Variants in CYP3A7 observed in about 807,000 individuals in gnomAD.
CYP3A7 encodes the protein cytochrome P450 3A7.
CYP3A7 carries 45 observed loss-of-function variants against 55.2 expected under a neutral mutation model. The observed-to-expected ratio is 0.82, with a 90% CI of 0.64 to 1.05. CYP3A7 has a LOEUF of 1.05. Among genes scored for constraint, CYP3A7 ranks in the 50% least tolerant of loss-of-function variants. The pLI, the probability that CYP3A7 is intolerant of heterozygous loss-of-function variation, is 0.00. For missense variants in CYP3A7, 548 were observed against 605.3 expected (o/e 0.91, Z 0.99); for synonymous variants, 180 against 207.4 (o/e 0.87, Z 1.13).
intron 2 of CYP3A7, among the ~76,000 whole-genome samples, chr7:99,726,635 C>T (rs1218737393): frequency 2.0e-5 from 3 of 152,210 alleles, no homozygotes; most frequent in Non-Finnish European, 4.4e-5. Flanking sequence ...TGCCACAAGG[C>T]TTCTGGGACA....
intron 1 of CYP3A7, among the ~76,000 whole-genome samples, chr7:99,731,634 G>A (rs1179071389): frequency 2.0e-5 from 3 of 152,150 alleles, no homozygotes; most frequent in African/African-American, 7.2e-5. Context: ...AGCCTATGGT[G>A]ACCCTGTCTT....
chr7:99,734,919 C>T, intron 1 of CYP3A7, 104 bp downstream of exon 1: 1 of 1,566,726 alleles, frequency 6.4e-7, no homozygotes, highest in Non-Finnish European at 8.8e-7. Flanking sequence ...CCACGGCCAG[C>T]CTGAACATCC....
At chr7:99,712,601 T>C (rs1429999634) in intron 9 of CYP3A7, among the ~76,000 whole-genome samples, 1 of 152,160 alleles carries the variant, frequency 6.6e-6, no homozygotes, top group South Asian at 2.1e-4. Context: ...GATAGAGAGA[T>C]GATAGCTAGA....
chr7:99,727,524 C>T (rs1194642783), intron 2 of CYP3A7, among the ~76,000 whole-genome samples: 2 of 152,186 alleles, frequency 1.3e-5, no homozygotes, highest in African/African-American at 4.8e-5. Context: ...TGATACCACA[C>T]CTTATCCCCA....
Position 99,705,549 on chromosome 7 carries a change from G to T in CYP3A7, c.1463C>A (p.Pro488His). Residue 488 changes from proline (P) to histidine (H), a missense_variant, in exon 13 of 13, where the codon CCC (proline) becomes CAC (histidine). Pro to His is a moderately conservative substitution (Grantham distance 77). Transcript: ENST00000336374. ...CCTTGACTCAGCCTTTAGAACAATGGGTTTTTCTGTTAGAAGAAGTCCTCC... is the reference window on the plus strand; with the variant it reads ...CCTTGACTCAGCCTTTAGAACAATGTGTTTTTCTGTTAGAAGAAGTCCTCC... ...RFGGLLLTEK[P>H]IVLKAESRDE... 1 of 1,613,534 alleles carries T rather than the reference G, an allele frequency of 6.2e-7. No homozygotes were observed.
rs1239889742 is a variant in CYP3A7 at position 99,708,380 on chromosome 7, T to C, written c.1254-406A>G. ...AGGAGAAGAAATTGTCTTGCACTACTTCAAAATTGTTATTTTGCACTTTCC... is the reference window on the plus strand; with the variant it reads ...AGGAGAAGAAATTGTCTTGCACTACCTCAAAATTGTTATTTTGCACTTTCC... On this transcript the variant is annotated intron_variant, in intron 11 of 12. Coordinates refer to ENST00000336374, the MANE Select transcript of CYP3A7 (RefSeq NM_000765.5). 2.6e-5 allele frequency among the ~76,000 whole-genome samples: 4 copies of C among 152,186 alleles called. No individual in the cohort carries two copies. In the East Asian group the frequency reaches 7.7e-4, roughly 29 times the overall value.
At chr7:99,729,095 T>C (rs999887261) in intron 2 of CYP3A7, among the ~76,000 whole-genome samples, 1 of 152,138 alleles carries the variant, frequency 6.6e-6, no homozygotes, top group Admixed American at 6.5e-5. Flanking sequence ...CAAATACTTA[T>C]TTTGGACCCA....
chr7:99,720,612 A>G, intron 3 of CYP3A7, 200 bp from the exon 4 acceptor site: 1 of 549,678 alleles, frequency 1.8e-6, no homozygotes, highest in Non-Finnish European at 3.2e-6. Flanking sequence ...CATACGATGA[A>G]GGGTAATGTG....
At position 99,722,295 on chromosome 7, in the gene CYP3A7, C is replaced by G. The variant is rs775378849; in HGVS notation, c.218+1G>C. On this transcript the variant is annotated splice_donor_variant, in intron 3 of 12. Coordinates refer to ENST00000336374, the MANE Select transcript of CYP3A7 (RefSeq NM_000765.5). LOFTEE classifies it high-confidence loss of function. The stretch of plus-strand genomic sequence containing the variant: ...CCAATGGAATCTTCCAGAATACTCA[C>G]CCCCAGACTTTTCTATACTTTTTAT... The G allele has an allele frequency of 6.2e-7, 1 of 1,613,622 alleles. No individual in the cohort carries two copies. The highest frequency in any genetic ancestry group is 8.5e-7 in the Non-Finnish European group (1 of 1,179,660).
intron 3 of CYP3A7, among the ~76,000 whole-genome samples, chr7:99,721,788 T>G (rs1163806898): frequency 6.6e-6 from 1 of 152,096 alleles, no homozygotes; most frequent in Non-Finnish European, 1.5e-5. Flanking sequence ...TGTGTGTGAT[T>G]AAAAACCTTG....
rs1478672079 is a variant in CYP3A7, at chr7:99,717,712, A to AAT, written c.319-74_319-73insAT. ...CTCCATGGTTGTAGAAAATGTGTTA[A>AAT]ACAGGCATCATGTATTTAACAAATA... On this transcript the variant is annotated intron_variant, in intron 4 of 12. Transcript: ENST00000336374. 1.7e-5 allele frequency: 27 copies of AAT among 1,545,766 alleles called. No homozygotes were observed. In the East Asian group the frequency reaches 6.1e-4, roughly 35 times the overall value.
chr7:99,720,481 A>G, intron 3 of CYP3A7, 69 bp from the exon 4 acceptor site: 1 of 1,570,058 alleles, frequency 6.4e-7, no homozygotes, highest in Middle Eastern at 1.7e-4. Flanking sequence ...AAACCCAGGA[A>G]GCCAGACTTT....
chr7:99,710,826 C>T lies in CYP3A7; in HGVS notation c.932G>A (p.Ser311Asn). 1 of 1,613,858 alleles carries T rather than the reference C, an allele frequency of 6.2e-7. No homozygotes were observed. The highest frequency in any genetic ancestry group is 8.5e-7 in the Non-Finnish European group (1 of 1,179,874). ...ATATATAATGAAGGAGAGAACACTG[C>T]TCGTGGTTTCATAGCCAGCAAAAAT... ...IFIFAGYETTSSVLSFIIYEL... is the reference protein window; with the variant it reads ...IFIFAGYETTNSVLSFIIYEL... Residue 311 changes from serine to asparagine, a missense_variant, in exon 10 of 13, where the codon AGC becomes AAC. Transcript: ENST00000336374.
chr7:99,726,484 C>T (rs1310818210), intron 2 of CYP3A7, among the ~76,000 whole-genome samples: 1 of 152,150 alleles, frequency 6.6e-6, no homozygotes, highest in East Asian at 1.9e-4. Context: ...TCAATATCTC[C>T]CTCCACAACT....
In CYP3A7 at chr7:99,705,657, A is replaced by G. The variant is rs1554428081; in HGVS notation, c.1417-62T>C. On this transcript the variant is annotated intron_variant, in intron 12 of 12. Transcript: ENST00000336374. ...ATAAAGCAAAAGTAGAAAGTATAGC[A>G]TCAAAGTAAAAAAAAATTACTGACA... 2.7e-5 allele frequency: 43 copies of G among 1,587,800 alleles called. No homozygotes were observed. The South Asian group carries it at 4.0e-4, about 15-fold the overall frequency.
chr7:99,712,968 T>G (rs1165245713), intron 9 of CYP3A7, among the ~76,000 whole-genome samples: 2 of 152,192 alleles, frequency 1.3e-5, no homozygotes, highest in Admixed American at 6.6e-5. Flanking sequence ...AATAACTTCA[T>G]AGTTGATTAA....
At chr7:99,731,715 T>TTC (rs1324251702) in intron 1 of CYP3A7, among the ~76,000 whole-genome samples, 1 of 152,206 alleles carries the variant, frequency 6.6e-6, no homozygotes, top group Non-Finnish European at 1.5e-5. Context: ...GATCTGGCCC[T>TTC]TCTTAAACTG....
chr7:99,722,195 G>C, intron 3 of CYP3A7, 101 bp downstream of exon 3: 3 of 1,455,530 alleles, frequency 2.1e-6, no homozygotes, highest in Non-Finnish European at 2.9e-6. Flanking sequence ...GCTGGCAAGA[G>C]CTTCATCGCA....
intron 4 of CYP3A7, among the ~76,000 whole-genome samples, chr7:99,718,265 A>G (rs935269719): frequency 6.6e-6 from 1 of 152,214 alleles, no homozygotes; most frequent in African/African-American, 2.4e-5. Flanking sequence ...TAAAAAAAGT[A>G]TAATAAAAAA....
Sources: gnomAD v4.1 joint callset for allele counts (sites outside exome capture counted in the v4.1 genomes callset) on GRCh38, gnomAD v4.1.1 for gene constraint, MANE v1.5 for transcripts, NCBI Gene and HGNC (gene_info 2026-07-23, HGNC 2026-07-21) for gene names.